Variants in TSPAN1 observed in about 807,000 individuals in gnomAD.
TSPAN1 encodes tetraspanin 1, also known as tetraspanin-1.
A neutral mutation model predicts 26.9 loss-of-function variants in TSPAN1; 23 were observed. The ratio of observed to expected loss-of-function variants is 0.85; its 90% CI spans 0.62 to 1.21. The LOEUF is 1.21. Ranked by LOEUF, TSPAN1 falls within the 50% of genes most tolerant of loss-of-function variation. The pLI, the probability that TSPAN1 is intolerant of heterozygous loss-of-function variation, is 0.00. For missense variants in TSPAN1, 283 were observed against 298.4 expected (o/e 0.95, Z 0.38); for synonymous variants, 115 against 114.8 (o/e 1.00, Z -0.01).
At chr1:46,175,936 G>A (rs1212294224) in intron 1 of TSPAN1, 5 of 480,636 alleles carry the variant, frequency 1.0e-5, no homozygotes, top group Admixed American at 3.6e-5. Context: ...GCAGTGGCGC[G>A]ATCTTGGCTC....
chr1:46,192,967 G>C, the TSPAN1 span: 1 of 1,614,154 alleles, frequency 6.2e-7, no homozygotes, highest in Non-Finnish European at 8.5e-7. Context: ...TCCTAGAAGG[G>C]GAATGGGACA....
downstream of TSPAN1, chr1:46,190,952 T>G (rs1260408083): frequency 1.0e-5 from 7 of 683,454 alleles, no homozygotes; most frequent in Non-Finnish European, 1.9e-5. Flanking sequence ...CTCAGCAAGC[T>G]CTTACTAGCT....
rs570515995 is a variant in TSPAN1, at chr1:46,175,828, G to T, written c.-142+419G>T. 3.1e-4 allele frequency: 137 copies of T among 436,104 alleles called. 1 individual carries two copies. In the South Asian group the frequency reaches 0.01, roughly 33 times the overall value. 27.0% of individuals were successfully genotyped at this position (436,104 alleles called of 1,614,324 possible). Reference sequence around the variant, plus strand: ...GCTATTTCACAGAGATCATCCTTTGGCGTGCCTAAACAGAACCAGGTAGGG... The same window carrying T: ...GCTATTTCACAGAGATCATCCTTTGTCGTGCCTAAACAGAACCAGGTAGGG... On this transcript the variant is annotated intron_variant, in intron 1 of 8. Transcript: ENST00000372003.
intron 3 of TSPAN1, among the ~76,000 whole-genome samples, chr1:46,182,304 C>CAAAAAAAAAAAAAAAAGAA (rs71062743): frequency 3.3e-5 from 1 of 30,162 alleles, no homozygotes; most frequent in African/African-American, 9.9e-5. Flanking sequence ...TAGGGATAAG[C>CAAAAAAAAAAAAAAAAGAA]AAAAAAAAAA....
In TSPAN1 at chr1:46,184,657, T is replaced by C. The variant is rs1657388298; in HGVS notation, c.328T>C (p.Tyr110His). Residue 110 changes from tyrosine (Y) to histidine (H), a missense_variant, in exon 5 of 9, where the codon TAC (tyrosine) becomes CAC (histidine). Coordinates refer to ENST00000372003, the MANE Select transcript of TSPAN1 (RefSeq NM_005727.4). Reference sequence around the variant, plus strand: ...TGCAGCTGCTGTGGTCGCCTTGGTGTACACCACAATGGTGAGACACTGGGA... The same window carrying C: ...TGCAGCTGCTGTGGTCGCCTTGGTGCACACCACAATGGTGAGACACTGGGA... ...EVAAAVVALV[Y>H]TTMAEHFLTL... 2.5e-6 allele frequency: 4 copies of C among 1,614,110 alleles called. No individual in the cohort carries two copies. Among genetic ancestry groups the C allele is most frequent in the Non-Finnish European group, 3.4e-6 (4 of 1,180,016 alleles).
intron 3 of TSPAN1, among the ~76,000 whole-genome samples, chr1:46,182,481 G>A (rs1346038316): frequency 2.6e-5 from 4 of 151,756 alleles, no homozygotes; most frequent in Non-Finnish European, 4.4e-5. Context: ...AAGCTGAGGC[G>A]GGCAGATTAG....
downstream of TSPAN1, chr1:46,190,093 AG>A: frequency 1.9e-5 from 21 of 1,122,916 alleles, no homozygotes; most frequent in South Asian, 3.0e-5. Context: ...GCCACCTTGA[AG>A]TTCTTTTTTT....
At chr1:46,186,541 A>C (rs1440684581), downstream of TSPAN1, among the ~76,000 whole-genome samples, 1 of 132,586 alleles carries the variant, frequency 7.5e-6, no homozygotes. Flanking sequence ...CCCAGGCTGG[A>C]GTGCAATGGT....
chr1:46,180,844 G>A (rs1431864739), intron 2 of TSPAN1, among the ~76,000 whole-genome samples, 186 bp downstream of exon 2: 1 of 152,070 alleles, frequency 6.6e-6, no homozygotes, highest in African/African-American at 2.4e-5. Context: ...GGCTGGGTGT[G>A]CAGGTGGAGG....
the TSPAN1 span, chr1:46,192,986 C>A: frequency 6.2e-7 from 1 of 1,613,856 alleles, no homozygotes; most frequent in Non-Finnish European, 8.5e-7. Flanking sequence ...CATCATGGTC[C>A]CAAAGGGGTC....
chr1:46,185,417 G>A lies in TSPAN1; in HGVS notation c.679-69G>A, dbSNP rs554994359. On this transcript the variant is annotated intron_variant, in intron 8 of 8. Coordinates refer to ENST00000372003, the MANE Select transcript of TSPAN1 (RefSeq NM_005727.4). Reference sequence around the variant, plus strand: ...AGACTTCTAACTGGGCCTCAGGTAGGGTGTCTGTGGGACAGGCTTCAGGAT... The same window carrying A: ...AGACTTCTAACTGGGCCTCAGGTAGAGTGTCTGTGGGACAGGCTTCAGGAT... 7.0e-5 allele frequency: 113 copies of A among 1,609,310 alleles called. 3 individuals are homozygous for A. In the South Asian group the frequency reaches 1.2e-3, roughly 17 times the overall value.
chr1:46,185,622 G>GATCTAACAATGTCACTTGGGCCAGA lies in TSPAN1; in HGVS notation c.*92_*116dup. 6.8e-7 allele frequency: 1 copy of GATCTAACAATGTCACTTGGGCCAGA among 1,464,192 alleles called. No homozygotes were observed. Among genetic ancestry groups the GATCTAACAATGTCACTTGGGCCAGA allele is most frequent in the Non-Finnish European group, 9.5e-7 (1 of 1,054,382 alleles). The allele number at this position is 1,464,192 out of a possible 1,614,324, so 90.7% of individuals were successfully genotyped here. A position where few individuals can be genotyped will look rare whatever the true frequency, so the allele number is the denominator to read the frequency against. ...CAGCAGTGATTGGGGGAGGGGACAGGATCTAACAATGTCACTTGGGCCAGA... is the reference window on the plus strand; with the variant it reads ...CAGCAGTGATTGGGGGAGGGGACAGGATCTAACAATGTCACTTGGGCCAGAATCTAACAATGTCACTTGGGCCAGA... On this transcript the variant is annotated 3_prime_UTR_variant, in exon 9 of 9. Coordinates refer to ENST00000372003, the MANE Select transcript of TSPAN1 (RefSeq NM_005727.4).
chr1:46,195,967 G>T, the TSPAN1 span: 1 of 1,614,170 alleles, frequency 6.2e-7, no homozygotes, highest in East Asian at 2.2e-5. Context: ...TCATCAGCAA[G>T]AGCCCAGCTC....
At chr1:46,180,762 T>G in intron 2 of TSPAN1, 104 bp downstream of exon 2, 5 of 302,774 alleles carry the variant, frequency 1.7e-5, no homozygotes, top group South Asian at 5.4e-5. Context: ...GGGTCTGGGG[T>G]TAGTGTGGGG....
chr1:46,185,335 G>A (rs747175197), intron 8 of TSPAN1, 27 bp downstream of exon 8: 4 of 1,613,450 alleles, frequency 2.5e-6, no homozygotes, highest in South Asian at 2.2e-5. Flanking sequence ...GCTGGGACTG[G>A]GACATGGGCA....
chr1:46,194,127 C>G, the TSPAN1 span: 11 of 1,544,184 alleles, frequency 7.1e-6, no homozygotes, highest in Middle Eastern at 4.3e-4. Flanking sequence ...CCCTTCACCC[C>G]AGCCCTGTCT....
At chr1:46,191,568 C>A in the TSPAN1 span, 1 of 204,388 alleles carries the variant, frequency 4.9e-6, no homozygotes, top group Non-Finnish European at 1.0e-5. Context: ...GTTTATAATT[C>A]AAAGCACTTT....
downstream of TSPAN1, chr1:46,188,555 A>G: frequency 7.8e-7 from 1 of 1,285,310 alleles, no homozygotes; most frequent in Admixed American, 2.9e-5. Flanking sequence ...CTGGTGGCCA[A>G]ATGGCCCCAA....
chr1:46,193,844 C>A, the TSPAN1 span: 1 of 1,613,880 alleles, frequency 6.2e-7, no homozygotes, highest in Non-Finnish European at 8.5e-7. Flanking sequence ...ATAGCCCATT[C>A]CCAGGCTTAC....
Sources: gnomAD v4.1 joint callset for allele counts (sites outside exome capture counted in the v4.1 genomes callset) on GRCh38, gnomAD v4.1.1 for gene constraint, MANE v1.5 for transcripts, NCBI Gene and HGNC (gene_info 2026-07-23, HGNC 2026-07-21) for gene names.